FSD2: variants seen among roughly 807,000 people sequenced by gnomAD.
The protein encoded by FSD2 is fibronectin type III and SPRY domain containing 2.
Under a neutral mutation model 80.4 loss-of-function variants are expected in FSD2, and 71 were observed. The observed-to-expected ratio is 0.88, with a 90% CI of 0.73 to 1.08. The LOEUF (loss-of-function observed/expected upper bound fraction) is 1.08. Ranked by LOEUF, FSD2 falls within the 50% of genes least tolerant of loss-of-function variation. The pLI, the probability that FSD2 is intolerant of heterozygous loss-of-function variation, is 0.00. For missense variants in FSD2, 923 were observed against 913.8 expected (o/e 1.01, Z -0.13); for synonymous variants, 361 against 329.5 (o/e 1.10, Z -1.03).
In FSD2 at chr15:82,786,843, C is replaced by A; in HGVS notation, c.548G>T (p.Cys183Phe). 6.2e-7 allele frequency: 1 copy of A among 1,614,014 alleles called. No individual in the cohort carries two copies. The highest frequency in any genetic ancestry group is 2.2e-5 in the East Asian group (1 of 44,882). Residue 183 changes from cysteine (C) to phenylalanine (F), a missense_variant, in exon 2 of 13, where the codon TGT becomes TTT. Cys to Phe is a radical substitution (Grantham distance 205, BLOSUM62 -2). Transcript: ENST00000334574. ...EEAADVFCVT[C>F]KTPIRAFQKV... ...CTGAAAAGCTCTTATTGGAGTCTTA[C>A]AAGTGACACAGAAGACATCAGCAGC... is the stretch of plus-strand genomic sequence containing the variant.
chr15:82,770,890 A>T (rs1356423301), intron 7 of FSD2, among the ~76,000 whole-genome samples: 4 of 152,140 alleles, frequency 2.6e-5, no homozygotes, highest in African/African-American at 9.7e-5. Context: ...TTGCCATGAC[A>T]CAGCCCCAAT....
intron 1 of FSD2, among the ~76,000 whole-genome samples, chr15:82,787,968 C>T (rs889245350): frequency 6.6e-5 from 10 of 151,884 alleles, no homozygotes; most frequent in South Asian, 2.1e-4. Context: ...TTGGTAGAGA[C>T]GGGTTTTCAC....
intron 4 of FSD2, among the ~76,000 whole-genome samples, chr15:82,780,559 C>G (rs547584796): frequency 3.3e-5 from 5 of 151,786 alleles, no homozygotes; most frequent in African/African-American, 1.2e-4. Context: ...GGTCTCGAAC[C>G]CCTGACCTTG....
intron 4 of FSD2, among the ~76,000 whole-genome samples, chr15:82,781,967 G>A (rs1222556753): frequency 6.6e-6 from 1 of 151,198 alleles, no homozygotes; most frequent in East Asian, 1.9e-4. Context: ...AGGAGGCTGA[G>A]GCAGGAGAAT....
At chr15:82,800,154 T>C (rs908985049) in intron 1 of FSD2, among the ~76,000 whole-genome samples, 1 of 152,210 alleles carries the variant, frequency 6.6e-6, no homozygotes, top group African/African-American at 2.4e-5. Flanking sequence ...TGGTCAGAGA[T>C]GACACCTTGC....
intron 11 of FSD2, among the ~76,000 whole-genome samples, chr15:82,763,896 C>T (rs934639229): frequency 1.3e-4 from 20 of 152,192 alleles, no homozygotes; most frequent in Non-Finnish European, 2.6e-4. Flanking sequence ...GATCCTATAC[C>T]GCAGACATAC....
intron 12 of FSD2, among the ~76,000 whole-genome samples, chr15:82,760,666 C>T (rs1490520779): frequency 6.6e-6 from 1 of 151,878 alleles, no homozygotes; most frequent in Non-Finnish European, 1.5e-5. Context: ...TGCAAGTCTG[C>T]TAGGAGACCT....
chr15:82,787,666 A>C (rs2050036503), intron 1 of FSD2, among the ~76,000 whole-genome samples, 198 bp from the exon 2 acceptor site: 1 of 152,150 alleles, frequency 6.6e-6, no homozygotes, highest in Non-Finnish European at 1.5e-5. Context: ...GACAAAAGAA[A>C]TTACAAAAGA....
rs2151482084 is a variant in FSD2, at chr15:82,759,018, T to C, written c.*330A>G. ...AGCCATTAAGACTACCCTCGTCCTC[T>C]CCCAAGCTCTCTAGGTCTTGGAAAC... On this transcript the variant is annotated 3_prime_UTR_variant, in exon 13 of 13. Coordinates refer to ENST00000334574, the MANE Select transcript of FSD2 (RefSeq NM_001007122.4). The C allele has an allele frequency of 4.2e-6, 1 of 236,754 alleles. No homozygotes were observed. The highest frequency in any genetic ancestry group is 6.3e-5 in the South Asian group (1 of 15,758). The allele number at this position is 236,754 out of a possible 1,614,324, so 14.7% of individuals were successfully genotyped here. A position where few individuals can be genotyped will look rare whatever the true frequency, so the allele number is the denominator to read the frequency against.
At chr15:82,766,539 C>T (rs1343971844) in intron 9 of FSD2, among the ~76,000 whole-genome samples, 1 of 151,910 alleles carries the variant, frequency 6.6e-6, no homozygotes, top group African/African-American at 2.4e-5. Context: ...GTCAGGAGTT[C>T]GAGATCAGCC....
At chr15:82,763,201 C>G (rs990119376) in intron 11 of FSD2, among the ~76,000 whole-genome samples, 2 of 152,212 alleles carry the variant, frequency 1.3e-5, no homozygotes, top group African/African-American at 4.8e-5. Context: ...TCCCACCCCT[C>G]TTATCTACCA....
chr15:82,767,588 C>A (rs1231042458), intron 9 of FSD2, among the ~76,000 whole-genome samples: 1 of 152,184 alleles, frequency 6.6e-6, no homozygotes, highest in Non-Finnish European at 1.5e-5. Flanking sequence ...TACTGACCAG[C>A]CCTCTGATGA....
chr15:82,765,951 A>T lies in FSD2; in HGVS notation c.1634T>A (p.Leu545His), dbSNP rs747640122. The T allele has an allele frequency of 7.5e-6, 12 of 1,607,766 alleles. No homozygotes were observed. Among genetic ancestry groups the T allele is most frequent in the Non-Finnish European group, 1.0e-5 (12 of 1,177,954 alleles). Residue 545 changes from leucine to histidine, a missense_variant, in exon 10 of 13, where the codon CTC becomes CAC. By Grantham distance (99) the Leu-to-His change is moderately conservative. Coordinates refer to ENST00000334574, the MANE Select transcript of FSD2 (RefSeq NM_001007122.4). ...CCTCACGCTGGGGCCCCCCATATTG[A>T]GGGCTCGCACATAGATAATGTAGCT... Reference protein sequence around the residue: ...GRSYIIYVRALNMGGPSVRSE... With the variant: ...GRSYIIYVRAHNMGGPSVRSE...
intron 1 of FSD2, among the ~76,000 whole-genome samples, chr15:82,798,731 G>T (rs1168126691): frequency 6.6e-6 from 1 of 152,164 alleles, no homozygotes; most frequent in Non-Finnish European, 1.5e-5. Flanking sequence ...AAGTCAACAA[G>T]TTCGTCGGCT....
At chr15:82,797,034 A>AC (rs900182958) in intron 1 of FSD2, among the ~76,000 whole-genome samples, 78 of 98,688 alleles carry the variant, frequency 7.9e-4, no homozygotes, top group African/African-American at 1.5e-3. Flanking sequence ...AAAAAAAAAA[A>AC]AAAAAAACAC....
Position 82,765,974 on chromosome 15 carries a change from G to T in FSD2, c.1611C>A (p.Ser537Arg), listed in dbSNP as rs1293907722. 5.6e-6 allele frequency: 9 copies of T among 1,601,374 alleles called. No individual in the cohort carries two copies. The highest frequency in any genetic ancestry group is 1.3e-5 in the African/African-American group (1 of 74,772). ...TGAGGGCTCGCACATAGATAATGTAGCTCCGCCCCGGCTGCAGCTGCACCA... is the reference window on the plus strand; with the variant it reads ...TGAGGGCTCGCACATAGATAATGTATCTCCGCCCCGGCTGCAGCTGCACCA... ...ESVVQLQPGR[S>R]YIIYVRALNM... Residue 537 changes from serine (S) to arginine (R), a missense_variant, in exon 10 of 13, where the codon AGC becomes AGA. Ser to Arg is a moderately radical substitution (Grantham distance 110, BLOSUM62 -1). Transcript: ENST00000334574.
At chr15:82,798,643 A>C (rs1027427809) in intron 1 of FSD2, among the ~76,000 whole-genome samples, 13 of 152,022 alleles carry the variant, frequency 8.6e-5, no homozygotes, top group Admixed American at 8.5e-4. Flanking sequence ...GTTTTCCTTA[A>C]CTTCCATTTA....
chr15:82,782,091 A>ATAATAATAC (rs2049875017), intron 4 of FSD2, among the ~76,000 whole-genome samples: 1 of 126,800 alleles, frequency 7.9e-6, no homozygotes, highest in South Asian at 2.5e-4. Flanking sequence ...AATAATAATA[A>ATAATAATAC]TAATAATAAT....
intron 9 of FSD2, among the ~76,000 whole-genome samples, chr15:82,767,038 G>T (rs1004127125): frequency 2.0e-5 from 3 of 152,166 alleles, no homozygotes; most frequent in Non-Finnish European, 2.9e-5. Context: ...CTGCAGCTCT[G>T]GGCCAGAGGG....
Sources: gnomAD v4.1 joint callset for allele counts (sites outside exome capture counted in the v4.1 genomes callset) on GRCh38, gnomAD v4.1.1 for gene constraint, MANE v1.5 for transcripts, NCBI Gene and HGNC (gene_info 2026-07-23, HGNC 2026-07-21) for gene names.